SHB: variants seen among roughly 807,000 people sequenced by gnomAD.
SHB encodes the protein SH2 domain containing adaptor protein B.
A neutral mutation model predicts 52.3 loss-of-function variants in SHB; 20 were observed. The ratio of observed to expected loss-of-function variants is 0.38; its 90% CI spans 0.27 to 0.56. The LOEUF is 0.56. Among genes scored for constraint, SHB ranks in the 20% least tolerant of loss-of-function variants. The pLI is 0.71. For missense variants in SHB, 825 were observed against 723.3 expected (o/e 1.14, Z -1.61); for synonymous variants, 397 against 316.5 (o/e 1.25, Z -2.70).
intron 1 of SHB, among the ~76,000 whole-genome samples, chr9:38,022,954 A>C (rs1821299267): frequency 6.6e-6 from 1 of 152,200 alleles, no homozygotes; most frequent in Admixed American, 6.5e-5. Context: ...GCTGGATGCC[A>C]CACTCAGTAT....
chr9:37,956,040 T>G lies in SHB; in HGVS notation c.1069A>C (p.Asn357His), dbSNP rs1180558892. Residue 357 changes from asparagine to histidine, a missense_variant, in exon 4 of 6, where the codon AAC (asparagine) becomes CAC (histidine). By Grantham distance (68) the Asn-to-His change is moderately conservative. Transcript: ENST00000377707. ...GAGGGGGATGACTGCCGCTTCTCGT[T>G]GCCATTAAACTGTGCTGTGGGGAGA... The part of the protein sequence containing the change: ...IPALAAQFNG[N>H]EKRQSSPSPS... 2 of 1,564,324 alleles carry G rather than the reference T, an allele frequency of 1.3e-6. No individual in the cohort carries two copies. Among genetic ancestry groups the G allele is most frequent in the East Asian group, 4.7e-5 (2 of 42,816 alleles).
intron 2 of SHB, among the ~76,000 whole-genome samples, chr9:37,988,366 T>A (rs1316034020): frequency 2.6e-5 from 4 of 152,198 alleles, no homozygotes; most frequent in Admixed American, 2.6e-4. Context: ...CAGAGGCCTT[T>A]CTGACTCCAG....
intron 1 of SHB, among the ~76,000 whole-genome samples, chr9:38,020,776 T>A (rs1271645645): frequency 1.3e-5 from 2 of 151,988 alleles, no homozygotes; most frequent in Admixed American, 6.5e-5. Flanking sequence ...TAAATAAATT[T>A]AAAAAAAGAC....
chr9:37,922,457 C>T (rs1028388308), intron 5 of SHB, among the ~76,000 whole-genome samples: 4 of 152,196 alleles, frequency 2.6e-5, no homozygotes, highest in Non-Finnish European at 2.9e-5. Flanking sequence ...CGACAGATAG[C>T]GAGGTGGGGC....
At chr9:37,960,829 G>A (rs1016091825) in intron 3 of SHB, among the ~76,000 whole-genome samples, 2 of 152,160 alleles carry the variant, frequency 1.3e-5, no homozygotes, top group Admixed American at 1.3e-4. Flanking sequence ...GTGAGGAACG[G>A]CGGTCCAGAG....
At position 37,918,088 on chromosome 9, in the gene SHB, CTGA is replaced by C. The variant is rs1832124559; in HGVS notation, c.*1730_*1732del. 3.3e-5 allele frequency among the ~76,000 whole-genome samples: 5 copies of C among 152,362 alleles called. No homozygotes were observed. The South Asian group carries it at 1.0e-3, about 32-fold the overall frequency. On this transcript the variant is annotated 3_prime_UTR_variant, in exon 6 of 6. Transcript: ENST00000377707. ...ACAGTCTCTAAAGACATGAGCAGCG[CTGA>C]TGTCTGAACCTGCTGATGACATTCA...
At chr9:37,977,573 CA>C (rs1456550081) in intron 2 of SHB, among the ~76,000 whole-genome samples, 2 of 152,130 alleles carry the variant, frequency 1.3e-5, no homozygotes, top group Non-Finnish European at 2.9e-5. Context: ...GAGGGAGGAA[CA>C]GGAAAAGAGA....
intron 2 of SHB, among the ~76,000 whole-genome samples, chr9:38,011,226 CA>C (rs1564101220): frequency 6.6e-6 from 1 of 152,192 alleles, no homozygotes; most frequent in Non-Finnish European, 1.5e-5. Flanking sequence ...ATCACTGCCT[CA>C]ACAGGAGGCT....
Position 37,919,794 on chromosome 9 carries a change from T to C in SHB, c.*27A>G, listed in dbSNP as rs745848936. ...TGGCACCTCCAAGTCTCAGGCTCTGTCACAGAGCAGGGCAGGTCTGGTCCG... is the reference window on the plus strand; with the variant it reads ...TGGCACCTCCAAGTCTCAGGCTCTGCCACAGAGCAGGGCAGGTCTGGTCCG... On this transcript the variant is annotated 3_prime_UTR_variant, in exon 6 of 6. Coordinates refer to ENST00000377707, the MANE Select transcript of SHB (RefSeq NM_003028.3). The C allele has an allele frequency of 2.5e-6, 4 of 1,600,642 alleles. No homozygotes were observed. The highest frequency in any genetic ancestry group is 3.4e-5 in the Admixed American group (2 of 59,698).
intron 2 of SHB, among the ~76,000 whole-genome samples, chr9:38,012,768 G>A (rs1451535186): frequency 2.0e-5 from 3 of 150,234 alleles, no homozygotes; most frequent in Admixed American, 1.3e-4. Context: ...TCTTGTCAGC[G>A]TTATGCTTAC....
chr9:37,935,996 A>G (rs990479060), intron 5 of SHB, among the ~76,000 whole-genome samples: 8 of 150,850 alleles, frequency 5.3e-5, no homozygotes, highest in Non-Finnish European at 8.9e-5. Context: ...TGACGTCAGG[A>G]GTTCGAGACC....
chr9:37,923,599 T>C (rs2841945), intron 5 of SHB, among the ~76,000 whole-genome samples: 2,902 of 152,216 alleles, frequency 0.019, 98 homozygotes, highest in African/African-American at 0.065. Flanking sequence ...CATCTAACAG[T>C]TGAAGATTTA....
intron 2 of SHB, among the ~76,000 whole-genome samples, chr9:37,994,492 A>AC (rs1820923640): frequency 6.6e-6 from 1 of 152,204 alleles, no homozygotes; most frequent in Admixed American, 6.5e-5. Context: ...GACTCGGGAG[A>AC]CTTAGGTTCA....
At chr9:37,981,281 A>G (rs1438761808) in intron 2 of SHB, among the ~76,000 whole-genome samples, 1 of 152,230 alleles carries the variant, frequency 6.6e-6, no homozygotes, top group African/African-American at 2.4e-5. Flanking sequence ...AACTTGCTGC[A>G]GTTTCTACAT....
intron 5 of SHB, among the ~76,000 whole-genome samples, chr9:37,925,446 C>T (rs1832237488): frequency 6.6e-6 from 1 of 152,304 alleles, no homozygotes; most frequent in Admixed American, 6.5e-5. Flanking sequence ...AGAAAGTCTC[C>T]CCCAGGGAGG....
intron 4 of SHB, among the ~76,000 whole-genome samples, chr9:37,951,765 C>T (rs898344018): frequency 2.0e-5 from 3 of 152,224 alleles, no homozygotes; most frequent in African/African-American, 7.2e-5. Context: ...CACACAGAGT[C>T]AAGGGCAGGG....
chr9:37,989,676 T>C (rs1336293472), intron 2 of SHB, among the ~76,000 whole-genome samples: 2 of 152,204 alleles, frequency 1.3e-5, no homozygotes, highest in Non-Finnish European at 2.9e-5. Flanking sequence ...TCGGCACAGT[T>C]ACTATGTCTC....
chr9:38,057,539 A>G (rs1315035783), intron 1 of SHB, among the ~76,000 whole-genome samples: 1 of 152,268 alleles, frequency 6.6e-6, no homozygotes, highest in East Asian at 1.9e-4. Context: ...ACCGGCTCAG[A>G]GCACAGCCAA....
At chr9:37,965,924 T>C (rs1385437663) in intron 3 of SHB, among the ~76,000 whole-genome samples, 1 of 152,192 alleles carries the variant, frequency 6.6e-6, no homozygotes, top group Non-Finnish European at 1.5e-5. Flanking sequence ...GTGGTTGTTT[T>C]TGAGACTGTA....
Sources: allele counts gnomAD v4.1 joint callset (sites outside exome capture counted in the v4.1 genomes callset), GRCh38; gene constraint gnomAD v4.1.1; transcripts MANE v1.5; gene names NCBI Gene and HGNC (gene_info 2026-07-23, HGNC 2026-07-21).